Variants in BRIP1 observed in about 807,000 individuals in gnomAD.
The protein encoded by BRIP1 is Fanconi anemia group J protein.
A neutral mutation model predicts 119.7 loss-of-function variants in BRIP1; 88 were observed. The observed-to-expected ratio is 0.74, with a 90% CI of 0.62 to 0.88. The LOEUF (loss-of-function observed/expected upper bound fraction) is 0.88, where lower values mean the gene tolerates loss of function less well. BRIP1 is among the 40% of genes least tolerant of loss of function. BRIP1 has a pLI of 0.00. For synonymous variants in BRIP1, 443 were observed against 496.5 expected, an observed-to-expected ratio of 0.89 and a Z score of 1.43; for missense variants, 1,259 against 1,455.4, an observed-to-expected ratio of 0.87 and a Z score of 2.20.
rs2077894194 is a variant in BRIP1, at chr17:61,796,075, A to C, written c.1341-2346T>G. ...CTTCTTTAGAGAAATGTCTATTCAAATCTTTTGTCCATTTTTAATTAGATT... is the reference window on the plus strand; with the variant it reads ...CTTCTTTAGAGAAATGTCTATTCAACTCTTTTGTCCATTTTTAATTAGATT... On this transcript the variant is annotated intron_variant, in intron 9 of 19. Transcript: ENST00000259008. This position sits in a 1 kb window ranked among gnomAD's most constrained non-coding sequence, Gnocchi z 4.8. Among the ~76,000 whole-genome samples the C allele has an allele frequency of 6.6e-6, 1 of 151,966 alleles. No individual in the cohort carries two copies. Among genetic ancestry groups the C allele is most frequent in the Non-Finnish European group, 1.5e-5 (1 of 67,924 alleles).
intron 6 of BRIP1, among the ~76,000 whole-genome samples, chr17:61,838,951 A>C (rs2078618365): frequency 6.6e-6 from 1 of 152,080 alleles, no homozygotes; most frequent in African/African-American, 2.4e-5. Context: ...TTTTTCTTCT[A>C]CTTTTCATGA....
intron 11 of BRIP1, among the ~76,000 whole-genome samples, chr17:61,782,546 G>C (rs1465992351): frequency 1.3e-5 from 2 of 151,976 alleles, no homozygotes; most frequent in African/African-American, 4.8e-5. Flanking sequence ...CTGCATCAAA[G>C]GACACTATGA....
Position 61,767,897 on chromosome 17 carries a change from A to G in BRIP1, c.2097+8504T>C, listed in dbSNP as rs2077394843. Among the ~76,000 whole-genome samples the G allele has an allele frequency of 6.6e-6, 1 of 152,198 alleles. No individual in the cohort carries two copies. The highest frequency in any genetic ancestry group is 2.1e-4 in the South Asian group (1 of 4,830). ...CTCACTCCCACATCTACCAGTAGAA[A>G]TCTATCCACCTTTCTTTAATACCCA... On this transcript the variant is annotated intron_variant, in intron 14 of 19. Transcript: ENST00000259008. This position sits in a 1 kb window ranked among gnomAD's most constrained non-coding sequence, Gnocchi z 5.7.
chr17:61,700,881 G>A lies in BRIP1; in HGVS notation c.2493-7369C>T, dbSNP rs894635535. Among the ~76,000 whole-genome samples, 3 of 151,982 alleles carry A rather than the reference G, an allele frequency of 2.0e-5. No homozygotes were observed. Among genetic ancestry groups the A allele is most frequent in the African/African-American group, 7.3e-5 (3 of 41,366 alleles). The stretch of plus-strand genomic sequence containing the variant: ...TTCTTCAGAGTAAATAATCTCAATT[G>A]ATGTTTAAGTAAATCAATTCTTTCT... On this transcript the variant is annotated intron_variant, in intron 17 of 19. Coordinates refer to ENST00000259008, the MANE Select transcript of BRIP1 (RefSeq NM_032043.3). This position sits in a 1 kb window ranked among gnomAD's most constrained non-coding sequence, Gnocchi z 4.1.
In BRIP1 at chr17:61,719,176, G is replaced by GCC. The variant is rs34051860; in HGVS notation, c.2380-3115_2380-3114dup. Among the ~76,000 whole-genome samples the GCC allele has an allele frequency of 2.3e-3, 329 of 141,350 alleles. 4 individuals are homozygous for GCC. Among genetic ancestry groups the GCC allele is most frequent in the East Asian group, 6.1e-3 (29 of 4,736 alleles). The allele number at this position is 141,350 out of a possible 152,430, so 92.7% of individuals were successfully genotyped here. ...GAAATCATTATATTGAAGAGACATTGCCCCCCCCCCATGTTTATTGCAGCA... is the reference window on the plus strand; with the variant it reads ...GAAATCATTATATTGAAGAGACATTGCCCCCCCCCCCCATGTTTATTGCAGCA... On this transcript the variant is annotated intron_variant, in intron 16 of 19. Transcript: ENST00000259008.
At position 61,803,076 on chromosome 17, in the gene BRIP1, A is replaced by C. The variant is rs2078019432; in HGVS notation, c.919-1602T>G. On this transcript the variant is annotated intron_variant, in intron 7 of 19. Coordinates refer to ENST00000259008, the MANE Select transcript of BRIP1 (RefSeq NM_032043.3). This position sits in a 1 kb window ranked among gnomAD's most constrained non-coding sequence, Gnocchi z 4.3. Reference sequence around the variant, plus strand: ...GTTTCTTCTTTTATGTTATCTACTAATGCCCTTTGCCATTCTATTACCTTT... The same window carrying C: ...GTTTCTTCTTTTATGTTATCTACTACTGCCCTTTGCCATTCTATTACCTTT... Among the ~76,000 whole-genome samples the C allele has an allele frequency of 6.8e-6, 1 of 146,480 alleles. No individual in the cohort carries two copies. The highest frequency in any genetic ancestry group is 2.5e-5 in the African/African-American group (1 of 39,286).
At chr17:61,859,050 A>C (rs1327590686) in intron 3 of BRIP1, among the ~76,000 whole-genome samples, 1 of 134,644 alleles carries the variant, frequency 7.4e-6, no homozygotes, top group African/African-American at 2.8e-5. Context: ...GACGCCACTC[A>C]AAAAAAAAAA....
Position 61,691,139 on chromosome 17 carries a change from G to A in BRIP1, c.2575+2291C>T, listed in dbSNP as rs968737297. ...ATTAGGAGATATACCTAATGTAAAC[G>A]ACAAGTTAATGGGTGCAGCACACTA... On this transcript the variant is annotated intron_variant, in intron 18 of 19. Coordinates refer to ENST00000259008, the MANE Select transcript of BRIP1 (RefSeq NM_032043.3). This position sits in a 1 kb window ranked among gnomAD's most constrained non-coding sequence, Gnocchi z 5.0. Among the ~76,000 whole-genome samples, 1 of 151,890 alleles carries A rather than the reference G, an allele frequency of 6.6e-6. No individual in the cohort carries two copies. The highest frequency in any genetic ancestry group is 2.4e-5 in the African/African-American group (1 of 41,334).
rs976904838 is a variant in BRIP1 at position 61,844,601 on chromosome 17, C to T, written c.627+2500G>A. Among the ~76,000 whole-genome samples, 7 of 151,970 alleles carry T rather than the reference C, an allele frequency of 4.6e-5. No individual in the cohort carries two copies. The highest frequency in any genetic ancestry group is 8.8e-5 in the Non-Finnish European group (6 of 67,980). ...TGAGACCCTGTGTCTACAAATAAAG[C>T]AAACAAAAACAATTCCCAAGAAAAA... On this transcript the variant is annotated intron_variant, in intron 6 of 19. Coordinates refer to ENST00000259008, the MANE Select transcript of BRIP1 (RefSeq NM_032043.3). This position sits in a 1 kb window ranked among gnomAD's most constrained non-coding sequence, Gnocchi z 4.7.
At position 61,827,511 on chromosome 17, in the gene BRIP1, T is replaced by G. The variant is rs2078427938; in HGVS notation, c.628-18754A>C. Among the ~76,000 whole-genome samples, 1 of 152,164 alleles carries G rather than the reference T, an allele frequency of 6.6e-6. No individual in the cohort carries two copies. The highest frequency in any genetic ancestry group is 1.9e-4 in the East Asian group (1 of 5,196). ...TGAGAGGTAAGGCAGGAGGATCACT[T>G]GAGACCAGAAGTTCAAGGCTAGCCT... is the stretch of plus-strand genomic sequence containing the variant. On this transcript the variant is annotated intron_variant, in intron 6 of 19. Coordinates refer to ENST00000259008, the MANE Select transcript of BRIP1 (RefSeq NM_032043.3). This position sits in a 1 kb window ranked among gnomAD's most constrained non-coding sequence, Gnocchi z 5.8.
Position 61,717,926 on chromosome 17 carries a change from G to A in BRIP1, c.2380-1863C>T, listed in dbSNP as rs191834438. Among the ~76,000 whole-genome samples the A allele has an allele frequency of 5.9e-3, 901 of 151,940 alleles. 7 individuals carry two copies. The highest frequency in any genetic ancestry group is 0.021 in the African/African-American group (866 of 41,428). The stretch of plus-strand genomic sequence containing the variant: ...GTTCACCAAATTTTCCTTCTGCAGT[G>A]TCTAATCCATCCAGTGTATTTTTTG... On this transcript the variant is annotated intron_variant, in intron 16 of 19. Coordinates refer to ENST00000259008, the MANE Select transcript of BRIP1 (RefSeq NM_032043.3). This position sits in a 1 kb window ranked among gnomAD's most constrained non-coding sequence, Gnocchi z 4.1.
chr17:61,685,830 T>A lies in BRIP1; in HGVS notation c.2905+6A>T, dbSNP rs2144107326. The A allele has an allele frequency of 1.2e-6, 2 of 1,600,622 alleles. No individual in the cohort carries two copies. The highest frequency in any genetic ancestry group is 2.2e-5 in the South Asian group (2 of 90,418). On this transcript the variant is annotated splice_donor_region_variant and intron_variant, in intron 19 of 19. Transcript: ENST00000259008. ...ATCAAAGGTAAATGGGAAGAACTTTTCATACTTTTCTCCTTTCTGGAGATA... is the reference window on the plus strand; with the variant it reads ...ATCAAAGGTAAATGGGAAGAACTTTACATACTTTTCTCCTTTCTGGAGATA...
At position 61,689,101 on chromosome 17, in the gene BRIP1, T is replaced by G. The variant is rs1003307756; in HGVS notation, c.2576-2936A>C. Reference sequence around the variant, plus strand: ...CTCTGTCGCCCAGGCTGGAGTGCAGTGGCGCCATCTCGGCTCACTGAAACC... The same window carrying G: ...CTCTGTCGCCCAGGCTGGAGTGCAGGGGCGCCATCTCGGCTCACTGAAACC... On this transcript the variant is annotated intron_variant, in intron 18 of 19. Coordinates refer to ENST00000259008, the MANE Select transcript of BRIP1 (RefSeq NM_032043.3). The surrounding 1 kb of genome is among the most constrained non-coding windows in gnomAD (Gnocchi z 4.5). Among the ~76,000 whole-genome samples the G allele has an allele frequency of 6.1e-5, 9 of 146,662 alleles. No individual in the cohort carries two copies. Among genetic ancestry groups the G allele is most frequent in the African/African-American group, 2.3e-4 (9 of 39,122 alleles).
chr17:61,810,011 T>C lies in BRIP1; in HGVS notation c.628-1254A>G, dbSNP rs985443168. Among the ~76,000 whole-genome samples the C allele has an allele frequency of 6.6e-6, 1 of 152,204 alleles. No individual in the cohort carries two copies. Among genetic ancestry groups the C allele is most frequent in the African/African-American group, 2.4e-5 (1 of 41,462 alleles). On this transcript the variant is annotated intron_variant, in intron 6 of 19. Coordinates refer to ENST00000259008, the MANE Select transcript of BRIP1 (RefSeq NM_032043.3). The surrounding 1 kb of genome is among the most constrained non-coding windows in gnomAD (Gnocchi z 4.7). ...ATTACAATACATGATAGAATGGATG[T>C]AAATGTGACCCTTCTGGAGCTGTCA...
intron 10 of BRIP1, among the ~76,000 whole-genome samples, chr17:61,784,848 T>C (rs6504070): frequency 0.79 from 119,797 of 151,744 alleles, 47,884 homozygotes; most frequent in African/African-American, 0.89. Context: ...TCCTCAAAAT[T>C]AGATGCTGGA....
chr17:61,726,454 G>T lies in BRIP1; in HGVS notation c.2380-10391C>A, dbSNP rs114670892. 3.9e-3 allele frequency among the ~76,000 whole-genome samples: 592 copies of T among 152,240 alleles called. 3 individuals are homozygous for T. The highest frequency in any genetic ancestry group is 0.013 in the African/African-American group (521 of 41,536). ...TGAAATAAGCCATAAGGCTGTGGAG[G>T]CCATATAGTCATTACCTTAGTCAGT... On this transcript the variant is annotated intron_variant, in intron 16 of 19. Transcript: ENST00000259008. This position sits in a 1 kb window ranked among gnomAD's most constrained non-coding sequence, Gnocchi z 6.2.
In BRIP1 at chr17:61,780,447, G is replaced by A. The variant is rs1279806728; in HGVS notation, c.1795-46C>T. The A allele has an allele frequency of 5.8e-6, 9 of 1,547,100 alleles. No individual in the cohort carries two copies. The highest frequency in any genetic ancestry group is 4.1e-5 in the African/African-American group (3 of 73,428). On this transcript the variant is annotated intron_variant, in intron 12 of 19. Coordinates refer to ENST00000259008, the MANE Select transcript of BRIP1 (RefSeq NM_032043.3). The surrounding 1 kb of genome is among the most constrained non-coding windows in gnomAD (Gnocchi z 5.4). ...ATAAATAAAATTATCTTTAGAAGAG[G>A]CTGGGCAAAGTGGCTCACACCTGTA... is the stretch of plus-strand genomic sequence containing the variant.
rs1478540650 is a variant in BRIP1, at chr17:61,825,113, G to A, written c.628-16356C>T. On this transcript the variant is annotated intron_variant, in intron 6 of 19. Coordinates refer to ENST00000259008, the MANE Select transcript of BRIP1 (RefSeq NM_032043.3). The surrounding 1 kb of genome is among the most constrained non-coding windows in gnomAD (Gnocchi z 4.1). ...ATCCTAGCTAACATGGTGAAATCCC[G>A]TCTCTACTAAAAATACAAAAAATTA... 2.0e-5 allele frequency among the ~76,000 whole-genome samples: 3 copies of A among 151,846 alleles called. No individual in the cohort carries two copies. The highest frequency in any genetic ancestry group is 4.2e-4 in the South Asian group (2 of 4,812).
chr17:61,773,512 A>G (rs182990998), intron 14 of BRIP1, among the ~76,000 whole-genome samples: 1 of 152,328 alleles, frequency 6.6e-6, no homozygotes, highest in African/African-American at 2.4e-5. Flanking sequence ...CAAGGACTTC[A>G]TGACTAAAAC....
Sources: gnomAD v4.1 joint callset for allele counts (sites outside exome capture counted in the v4.1 genomes callset) on GRCh38, gnomAD v4.1.1 for gene constraint, Gnocchi (gnomAD v3.1) non-coding constraint, MANE v1.5 for transcripts, NCBI Gene and HGNC (gene_info 2026-07-23, HGNC 2026-07-21) for gene names.